DCAF7: variants seen among roughly 807,000 people sequenced by gnomAD.
DCAF7 encodes the protein DDB1 and CUL4 associated factor 7, also known as DDB1- and CUL4-associated factor 7.
In DCAF7, 4 loss-of-function variants were observed where a neutral mutation model predicts 41.2. That is an observed-to-expected ratio of 0.10 (90% confidence interval 0.05 to 0.22). DCAF7 has a LOEUF of 0.22. Ranked by LOEUF, DCAF7 falls within the 10% of genes least tolerant of loss-of-function variation. The pLI, the probability that DCAF7 is intolerant of heterozygous loss-of-function variation, is 1.00. For synonymous variants in DCAF7, 143 were observed against 164.2 expected, an observed-to-expected ratio of 0.87 and a Z score of 0.99; for missense variants, 131 against 443.2, an observed-to-expected ratio of 0.30 and a Z score of 6.32.
intron 4 of DCAF7, among the ~76,000 whole-genome samples, chr17:63,580,772 T>C (rs1004325152): frequency 5.9e-5 from 9 of 152,262 alleles, no homozygotes; most frequent in South Asian, 2.1e-4. Context: ...TCCACCCACC[T>C]TGGCCTCCCA....
chr17:63,583,863 G>A (rs963916772), intron 5 of DCAF7, among the ~76,000 whole-genome samples, 152 bp downstream of exon 5: 8 of 152,132 alleles, frequency 5.3e-5, no homozygotes, highest in African/African-American at 1.4e-4. Context: ...CTCTAGAGAC[G>A]CAGTTGGTAC....
chr17:63,589,434 A>C lies in DCAF7; in HGVS notation c.*262A>C. 2 of 512,368 alleles carry C rather than the reference A, an allele frequency of 3.9e-6. No homozygotes were observed. The highest frequency in any genetic ancestry group is 3.7e-5 in the South Asian group (2 of 54,630). The allele number at this position is 512,368 out of a possible 1,614,324, so 31.7% of individuals were successfully genotyped here. A position where few individuals can be genotyped will look rare whatever the true frequency, so the allele number is the denominator to read the frequency against. On this transcript the variant is annotated 3_prime_UTR_variant, in exon 7 of 7. Coordinates refer to ENST00000614556, the MANE Select transcript of DCAF7 (RefSeq NM_005828.5). ...TTTCCTCTTCTCCTTTGGTTCCTCA[A>C]TTAAAAAATGTGTGTATATTTGTTT... is the stretch of plus-strand genomic sequence containing the variant.
At chr17:63,566,599 G>A (rs2033444586) in intron 1 of DCAF7, among the ~76,000 whole-genome samples, 1 of 152,158 alleles carries the variant, frequency 6.6e-6, no homozygotes, top group Non-Finnish European at 1.5e-5. Flanking sequence ...TTGTACTGAA[G>A]ATCTTCTAAG....
chr17:63,553,154 A>G (rs1359592767), intron 1 of DCAF7, among the ~76,000 whole-genome samples: 1 of 152,240 alleles, frequency 6.6e-6, no homozygotes, highest in African/African-American at 2.4e-5. Flanking sequence ...ATGTAGTCAT[A>G]TGTACTTTTA....
chr17:63,575,646 C>A (rs1402741555), intron 1 of DCAF7, among the ~76,000 whole-genome samples: 1 of 152,172 alleles, frequency 6.6e-6, no homozygotes, highest in African/African-American at 2.4e-5. Flanking sequence ...CAAGATCGTG[C>A]CACTGCACTC....
intron 1 of DCAF7, among the ~76,000 whole-genome samples, chr17:63,551,707 T>C (rs1218116428): frequency 6.6e-6 from 1 of 151,850 alleles, no homozygotes; most frequent in South Asian, 2.1e-4. Flanking sequence ...GCTAGTGATA[T>C]TTAAAGCCAC....
At chr17:63,578,373 AAAC>A in intron 1 of DCAF7, 94 bp from the exon 2 acceptor site, 4 of 1,548,372 alleles carry the variant, frequency 2.6e-6, no homozygotes, top group Non-Finnish European at 3.5e-6. Flanking sequence ...TTAAAACAAA[AAAC>A]AAACAAAAAA....
In DCAF7 at chr17:63,559,357, ATG is replaced by A. The variant is rs1491159715; in HGVS notation, c.138+8544_138+8545del. 4.1e-4 allele frequency among the ~76,000 whole-genome samples: 54 copies of A among 130,284 alleles called. 1 individual carries two copies. Among genetic ancestry groups the A allele is most frequent in the African/African-American group, 1.5e-3 (48 of 31,626 alleles). The allele number at this position is 130,284 out of a possible 152,430, so 85.5% of individuals were successfully genotyped here. ...TACATACATATATATACGTATATATATGTATGTATATATATATGTGTATATAT... is the reference window on the plus strand; with the variant it reads ...TACATACATATATATACGTATATATATATGTATATATATATGTGTATATAT... On this transcript the variant is annotated intron_variant, in intron 1 of 6. Coordinates refer to ENST00000614556, the MANE Select transcript of DCAF7 (RefSeq NM_005828.5).
intron 1 of DCAF7, among the ~76,000 whole-genome samples, chr17:63,559,405 A>ATATG (rs1305799350): frequency 1.0e-5 from 1 of 95,840 alleles, no homozygotes; most frequent in African/African-American, 6.5e-5. Flanking sequence ...ATATGTATAT[A>ATATG]TATGTATATA....
At chr17:63,588,004 A>G (rs1040677863) in intron 6 of DCAF7, among the ~76,000 whole-genome samples, 2 of 148,622 alleles carry the variant, frequency 1.3e-5, no homozygotes, top group Admixed American at 6.6e-5. Flanking sequence ...AAAAAAAAAA[A>G]GTAATATGAG....
chr17:63,585,268 C>G lies in DCAF7; in HGVS notation c.796C>G (p.Arg266Gly). Reference sequence around the variant, plus strand: ...ACCTGTCGCCAGGTTAAACAACCATCGAGCATGTGTCAATGGCATTGCTTG... The same window carrying G: ...ACCTGTCGCCAGGTTAAACAACCATGGAGCATGTGTCAATGGCATTGCTTG... ...CTPVARLNNH[R>G]ACVNGIAWAP... Residue 266 changes from arginine to glycine, a missense_variant, in exon 6 of 7, where the codon CGA (arginine) becomes GGA (glycine). Physicochemically the swap from Arg to Gly is moderately radical, Grantham distance 125. Transcript: ENST00000614556. 1 of 1,613,988 alleles carries G rather than the reference C, an allele frequency of 6.2e-7. No homozygotes were observed. Among genetic ancestry groups the G allele is most frequent in the Non-Finnish European group, 8.5e-7 (1 of 1,179,896 alleles).
At chr17:63,556,141 TTTA>T (rs2147757794) in intron 1 of DCAF7, among the ~76,000 whole-genome samples, 1 of 152,320 alleles carries the variant, frequency 6.6e-6, no homozygotes, top group East Asian at 1.9e-4. Flanking sequence ...CGATTTTTGT[TTTA>T]TTAACAATTG....
At chr17:63,565,774 T>G (rs1226612826) in intron 1 of DCAF7, among the ~76,000 whole-genome samples, 1 of 152,186 alleles carries the variant, frequency 6.6e-6, no homozygotes, top group Non-Finnish European at 1.5e-5. Flanking sequence ...TGATTATTGT[T>G]ATTCAAAAGT....
intron 1 of DCAF7, among the ~76,000 whole-genome samples, chr17:63,575,827 G>A (rs1300606076): frequency 6.6e-6 from 1 of 152,236 alleles, no homozygotes; most frequent in Non-Finnish European, 1.5e-5. Flanking sequence ...AATCTCAGCA[G>A]GCTTTTTGTA....
chr17:63,555,387 T>C (rs529299904), intron 1 of DCAF7, among the ~76,000 whole-genome samples: 83 of 152,346 alleles, frequency 5.4e-4, no homozygotes, highest in Non-Finnish European at 1.1e-3. Context: ...CACCTTGTAC[T>C]TGAAACACTG....
At chr17:63,560,913 GA>G (rs1283953471) in intron 1 of DCAF7, among the ~76,000 whole-genome samples, 1 of 152,182 alleles carries the variant, frequency 6.6e-6, no homozygotes. Context: ...CAAAAATGTT[GA>G]AACAAAAGGA....
At chr17:63,552,728 A>G (rs1200811722) in intron 1 of DCAF7, among the ~76,000 whole-genome samples, 1 of 152,206 alleles carries the variant, frequency 6.6e-6, no homozygotes, top group Non-Finnish European at 1.5e-5. Flanking sequence ...GAGAGGAGAA[A>G]CTGAGCCACA....
In DCAF7 at chr17:63,589,236, A is replaced by G. The variant is rs772787935; in HGVS notation, c.*64A>G. On this transcript the variant is annotated 3_prime_UTR_variant, in exon 7 of 7. Transcript: ENST00000614556. ...ATTTCCTGCCTCTGCCCCACCCCCA[A>G]AGTAAGAAGAAACATGTTTCCAGTG... The G allele has an allele frequency of 1.3e-6, 2 of 1,591,146 alleles. No individual in the cohort carries two copies. Among genetic ancestry groups the G allele is most frequent in the Non-Finnish European group, 1.7e-6 (2 of 1,166,866 alleles).
intron 1 of DCAF7, among the ~76,000 whole-genome samples, chr17:63,569,722 CTTTGT>C (rs2033484666): frequency 6.6e-6 from 1 of 151,792 alleles, no homozygotes; most frequent in Non-Finnish European, 1.5e-5. Context: ...TTGTTTCTGT[CTTTGT>C]TTTGAGATGG....
Sources: gnomAD v4.1 joint callset for allele counts (sites outside exome capture counted in the v4.1 genomes callset) on GRCh38, gnomAD v4.1.1 for gene constraint, MANE v1.5 for transcripts, NCBI Gene and HGNC (gene_info 2026-07-23, HGNC 2026-07-21) for gene names.